ALK: variants seen among roughly 807,000 people sequenced by gnomAD.
The protein encoded by ALK is ALK receptor tyrosine kinase.
ALK carries 74 observed loss-of-function variants against 163.1 expected under a neutral mutation model. That is an observed-to-expected ratio of 0.45 (90% CI 0.38 to 0.55). ALK has a LOEUF of 0.55. Ranked by LOEUF, ALK falls within the 20% of genes least tolerant of loss-of-function variation. ALK has a pLI of 0.00. For missense variants in ALK, 2,063 were observed against 2,105.3 expected, an observed-to-expected ratio of 0.98 and a Z score of 0.39; for synonymous variants, 960 against 843.2, an observed-to-expected ratio of 1.14 and a Z score of -2.40.
intron 3 of ALK, among the ~76,000 whole-genome samples, chr2:29,580,900 C>T (rs938932038): frequency 3.6e-4 from 55 of 152,178 alleles, no homozygotes; most frequent in African/African-American, 1.2e-3. Context: ...TTGTAGTTTC[C>T]TTATGTCTCA....
At chr2:29,404,694 G>A (rs540686892) in intron 4 of ALK, among the ~76,000 whole-genome samples, 2 of 152,228 alleles carry the variant, frequency 1.3e-5, no homozygotes, top group Non-Finnish European at 2.9e-5. Context: ...CAGAGATGAT[G>A]AGACAGTCTC....
chr2:29,449,400 G>A (rs1278715746), intron 4 of ALK, among the ~76,000 whole-genome samples: 1 of 152,208 alleles, frequency 6.6e-6, no homozygotes, highest in Non-Finnish European at 1.5e-5. Flanking sequence ...CGTTGATCTT[G>A]GACATTGAGG....
chr2:29,269,606 G>T (rs1216616232), intron 11 of ALK, among the ~76,000 whole-genome samples: 2 of 152,168 alleles, frequency 1.3e-5, no homozygotes, highest in African/African-American at 2.4e-5. Flanking sequence ...GTTAAGGCTG[G>T]TACTTCCTGC....
chr2:29,650,632 T>C (rs1162710451), intron 3 of ALK, among the ~76,000 whole-genome samples: 1 of 152,140 alleles, frequency 6.6e-6, no homozygotes, highest in Non-Finnish European at 1.5e-5. Flanking sequence ...GCTTTCAGGT[T>C]TCTCTGTTTT....
chr2:29,447,545 C>T (rs1670717025), intron 4 of ALK, among the ~76,000 whole-genome samples: 1 of 152,202 alleles, frequency 6.6e-6, no homozygotes, highest in Non-Finnish European at 1.5e-5. Flanking sequence ...TGGTCCTGGA[C>T]TTCTGAGCAC....
At chr2:29,815,615 C>A (rs2148374731) in intron 1 of ALK, among the ~76,000 whole-genome samples, 2 of 152,192 alleles carry the variant, frequency 1.3e-5, no homozygotes. Flanking sequence ...GCAGGGTTGC[C>A]TGGAATCAAC....
At chr2:29,392,005 A>G (rs562645187) in intron 4 of ALK, among the ~76,000 whole-genome samples, 68 of 151,578 alleles carry the variant, frequency 4.5e-4, no homozygotes, top group African/African-American at 1.6e-3. Context: ...GTTTGCACTC[A>G]ATAAGCATTA....
intron 1 of ALK, among the ~76,000 whole-genome samples, chr2:29,847,721 A>T (rs1572432704): frequency 6.6e-6 from 1 of 150,628 alleles, no homozygotes; most frequent in African/African-American, 2.4e-5. Flanking sequence ...TCATTCGTTT[A>T]TAAACTTTAT....
At chr2:29,723,389 G>A (rs1033720802) in intron 1 of ALK, among the ~76,000 whole-genome samples, 2 of 152,220 alleles carry the variant, frequency 1.3e-5, no homozygotes, top group East Asian at 1.9e-4. Flanking sequence ...GAATTTCCCT[G>A]GTCATCCTGC....
At chr2:29,198,116 T>C (rs1385228950) in intron 26 of ALK, among the ~76,000 whole-genome samples, 2 of 152,240 alleles carry the variant, frequency 1.3e-5, no homozygotes, top group Non-Finnish European at 2.9e-5. Context: ...TTTAAAATAC[T>C]ATAATGAACA....
At chr2:29,380,208 T>C (rs1435195404) in intron 5 of ALK, among the ~76,000 whole-genome samples, 2 of 150,400 alleles carry the variant, frequency 1.3e-5, no homozygotes, top group Admixed American at 6.7e-5. Flanking sequence ...TGGGTTCAAG[T>C]GATTCTCCTG....
In ALK at chr2:29,198,249, C is replaced by G. The variant is rs1669073057; in HGVS notation, c.3939-573G>C. Among the ~76,000 whole-genome samples the G allele has an allele frequency of 2.6e-5, 4 of 152,304 alleles. No individual in the cohort carries two copies. In the South Asian group the frequency reaches 6.2e-4, roughly 24 times the overall value. On this transcript the variant is annotated intron_variant, in intron 26 of 28. Coordinates refer to ENST00000389048, the MANE Select transcript of ALK (RefSeq NM_004304.5). Reference sequence around the variant, plus strand: ...TTCTCTGAGCTTCAGTTTCATCTATCAGATGCCCACTCATCAACTTCACTG... The same window carrying G: ...TTCTCTGAGCTTCAGTTTCATCTATGAGATGCCCACTCATCAACTTCACTG...
intron 4 of ALK, among the ~76,000 whole-genome samples, chr2:29,486,573 A>C (rs1558345982): frequency 6.6e-6 from 1 of 152,232 alleles, no homozygotes; most frequent in Non-Finnish European, 1.5e-5. Context: ...ATTAACTGCA[A>C]AAGTCAGAGC....
intron 4 of ALK, among the ~76,000 whole-genome samples, chr2:29,430,482 T>C (rs1322525575): frequency 6.6e-6 from 1 of 152,258 alleles, no homozygotes; most frequent in Non-Finnish European, 1.5e-5. Context: ...ACTACTCAGC[T>C]TTGCCATGGT....
intron 1 of ALK, among the ~76,000 whole-genome samples, chr2:29,725,994 C>T (rs902396247): frequency 1.4e-4 from 22 of 152,300 alleles, no homozygotes; most frequent in Admixed American, 1.2e-3. Context: ...CTCCTTTGGC[C>T]CTGAACCCCT....
At chr2:29,896,830 G>C (rs550270923) in intron 1 of ALK, among the ~76,000 whole-genome samples, 107 of 152,248 alleles carry the variant, frequency 7.0e-4, no homozygotes, top group African/African-American at 2.5e-3. Flanking sequence ...TGCTCAGCTT[G>C]GGTTTTTCAT....
intron 3 of ALK, among the ~76,000 whole-genome samples, chr2:29,535,230 C>A (rs1673221984): frequency 6.6e-6 from 1 of 152,226 alleles, no homozygotes; most frequent in African/African-American, 2.4e-5. Flanking sequence ...TGTGGAGAGG[C>A]AGATCAAAGA....
chr2:29,206,799 GTA>G (rs1669322913), intron 26 of ALK, among the ~76,000 whole-genome samples: 1 of 148,936 alleles, frequency 6.7e-6, no homozygotes, highest in Non-Finnish European at 1.5e-5. Flanking sequence ...GTGTGTGTGT[GTA>G]TGTATGTGTA....
intron 26 of ALK, among the ~76,000 whole-genome samples, chr2:29,206,648 C>G (rs1157682415): frequency 1.3e-5 from 2 of 152,118 alleles, no homozygotes; most frequent in Non-Finnish European, 2.9e-5. Flanking sequence ...TGGATCTGGA[C>G]TTGGTTTAGA....
Sources: allele counts gnomAD v4.1 joint callset (sites outside exome capture counted in the v4.1 genomes callset), GRCh38; gene constraint gnomAD v4.1.1; transcripts MANE v1.5; gene names NCBI Gene and HGNC (gene_info 2026-07-23, HGNC 2026-07-21).